SPATA13: variants seen among roughly 807,000 people sequenced by gnomAD.
The protein encoded by SPATA13 is spermatogenesis-associated protein 13.
SPATA13 carries 50 observed loss-of-function variants against 104.0 expected under a neutral mutation model. The ratio of observed to expected loss-of-function variants is 0.48; its 90% CI spans 0.38 to 0.61. The LOEUF (loss-of-function observed/expected upper bound fraction) is 0.61, where lower values mean the gene tolerates loss of function less well. SPATA13 is among the 20% of genes least tolerant of loss of function. The pLI is 0.00. For missense variants in SPATA13, 1,524 were observed against 1,690.6 expected, an observed-to-expected ratio of 0.90 and a Z score of 1.73; for synonymous variants, 606 against 667.5, an observed-to-expected ratio of 0.91 and a Z score of 1.42.
intron 3 of SPATA13, among the ~76,000 whole-genome samples, chr13:24,153,509 A>G (rs1882166246): frequency 6.6e-6 from 1 of 152,228 alleles, no homozygotes; most frequent in Admixed American, 6.5e-5. Context: ...CAGCATGTGT[A>G]AAGTACACCC....
intron 4 of SPATA13, among the ~76,000 whole-genome samples, chr13:24,253,481 T>G (rs1459348261): frequency 1.3e-5 from 2 of 152,196 alleles, no homozygotes; most frequent in Admixed American, 6.5e-5. Flanking sequence ...AGAGGCAGAT[T>G]TAAGCAACAC....
At chr13:24,185,656 T>C (rs781101512) in intron 1 of SPATA13, among the ~76,000 whole-genome samples, 124 of 152,214 alleles carry the variant, frequency 8.1e-4, no homozygotes, top group East Asian at 9.6e-4. Context: ...TTAAACATCA[T>C]ATGAAACATC....
chr13:24,033,548 C>A (rs1877559663), intron 3 of SPATA13: 2 of 152,484 alleles, frequency 1.3e-5, no homozygotes, highest in African/African-American at 2.4e-5. Flanking sequence ...TGAGGAGAAC[C>A]CGGGCACACA....
chr13:24,278,030 A>T (rs778581455), intron 4 of SPATA13, among the ~76,000 whole-genome samples: 1 of 152,170 alleles, frequency 6.6e-6, no homozygotes, highest in Non-Finnish European at 1.5e-5. Flanking sequence ...ACAACCAGAA[A>T]ATGGAATCAG....
intron 3 of SPATA13, among the ~76,000 whole-genome samples, chr13:24,036,569 G>A (rs932106390): frequency 6.6e-6 from 1 of 152,014 alleles, no homozygotes; most frequent in Non-Finnish European, 1.5e-5. Flanking sequence ...GCCACCTGGG[G>A]CCCACAGGGA....
At chr13:24,221,281 T>A (rs1593432176) in intron 1 of SPATA13, among the ~76,000 whole-genome samples, 1 of 152,214 alleles carries the variant, frequency 6.6e-6, no homozygotes, top group African/African-American at 2.4e-5. Flanking sequence ...CTGTGTGTAC[T>A]CAGTGACGTT....
chr13:24,080,693 CAT>C (rs749609015), intron 3 of SPATA13, among the ~76,000 whole-genome samples: 19 of 152,200 alleles, frequency 1.2e-4, no homozygotes, highest in Non-Finnish European at 1.8e-4. Flanking sequence ...CACTGTATGA[CAT>C]ATTGTACACC....
Position 24,137,688 on chromosome 13 carries a change from G to A in SPATA13, c.-111-85131G>A, listed in dbSNP as rs138855024. On this transcript the variant is annotated intron_variant, in intron 3 of 14. Coordinates refer to the SPATA13 transcript ENST00000424834. ...ACAGGAAAACTGCTTGAGCCTGGGG[G>A]GCGGAGGTTGCAGTGAGCCAAGATC... Among the ~76,000 whole-genome samples, 343 of 152,276 alleles carry A rather than the reference G, an allele frequency of 2.3e-3. 1 individual carries two copies. The highest frequency in any genetic ancestry group is 4.1e-3 in the Non-Finnish European group (277 of 68,032).
At chr13:24,045,899 C>G (rs531375968) in intron 3 of SPATA13, among the ~76,000 whole-genome samples, 32 of 152,278 alleles carry the variant, frequency 2.1e-4, no homozygotes, top group African/African-American at 7.7e-4. Context: ...TTTCCCTAAT[C>G]TGGAGAATGG....
intron 3 of SPATA13, among the ~76,000 whole-genome samples, chr13:24,071,636 G>T (rs771346621): frequency 6.6e-6 from 1 of 152,190 alleles, no homozygotes; most frequent in Non-Finnish European, 1.5e-5. Flanking sequence ...GTGTCTGACC[G>T]TACATACAAA....
chr13:24,266,285 T>A (rs1874291910), intron 4 of SPATA13, among the ~76,000 whole-genome samples: 1 of 152,194 alleles, frequency 6.6e-6, no homozygotes, highest in Non-Finnish European at 1.5e-5. Flanking sequence ...TTTTTAAAAA[T>A]TAATTTTAAT....
At chr13:24,271,399 T>C (rs1055890762) in intron 4 of SPATA13, among the ~76,000 whole-genome samples, 2 of 152,078 alleles carry the variant, frequency 1.3e-5, no homozygotes, top group Admixed American at 6.6e-5. Context: ...ATGTGTGAGG[T>C]TTAAGGCTGT....
intron 3 of SPATA13, chr13:24,122,194 T>C: frequency 6.7e-7 from 1 of 1,489,838 alleles, no homozygotes. Context: ...CAGCCAGCAT[T>C]GCTATATACT....
At position 24,011,087 on chromosome 13, in the gene SPATA13, G is replaced by C. The variant is rs186163683; in HGVS notation, c.-146-6580G>C. On this transcript the variant is annotated intron_variant, in intron 2 of 14. Transcript: ENST00000424834. This position sits in a 1 kb window ranked among gnomAD's most constrained non-coding sequence, Gnocchi z 4.3. ...GTTTGCTGACTCCTCTGCAACCTTGGCTTTGGTTTCTCCCCAGGTCCTGAC... is the reference window on the plus strand; with the variant it reads ...GTTTGCTGACTCCTCTGCAACCTTGCCTTTGGTTTCTCCCCAGGTCCTGAC... Among the ~76,000 whole-genome samples, 71 of 152,172 alleles carry C rather than the reference G, an allele frequency of 4.7e-4. No individual in the cohort carries two copies. The highest frequency in any genetic ancestry group is 7.8e-4 in the Non-Finnish European group (53 of 67,998).
rs80142468 is a variant in SPATA13, at chr13:24,178,876, A to G, written c.-112+17944A>G. On this transcript the variant is annotated intron_variant, in intron 1 of 12. Transcript: ENST00000382108. ...ATGCACTCATCAATTACCATAGTCA[A>G]TTTGAAGACATTTTCATCCCCTCCG... 1.4e-3 allele frequency among the ~76,000 whole-genome samples: 206 copies of G among 152,302 alleles called. 1 individual carries two copies. The highest frequency in any genetic ancestry group is 4.8e-3 in the African/African-American group (199 of 41,564).
At chr13:24,121,571 AC>A (rs1470123899) in intron 3 of SPATA13, among the ~76,000 whole-genome samples, 1 of 152,200 alleles carries the variant, frequency 6.6e-6, no homozygotes, top group Non-Finnish European at 1.5e-5. Flanking sequence ...CTATCAGATT[AC>A]CTTATCTTAT....
At chr13:24,023,546 T>G (rs1877078397) in intron 3 of SPATA13, among the ~76,000 whole-genome samples, 1 of 152,144 alleles carries the variant, frequency 6.6e-6, no homozygotes, top group Non-Finnish European at 1.5e-5. Context: ...TAAAGAAGAA[T>G]TAGGTTGCAG....
chr13:24,145,908 T>C (rs1881913385), intron 3 of SPATA13, among the ~76,000 whole-genome samples: 1 of 152,136 alleles, frequency 6.6e-6, no homozygotes, highest in Non-Finnish European at 1.5e-5. Context: ...AAGGAGCCTA[T>C]TCCATATGTG....
At chr13:24,292,578 A>G (rs192250307) in intron 9 of SPATA13, among the ~76,000 whole-genome samples, 1 of 152,266 alleles carries the variant, frequency 6.6e-6, no homozygotes, top group East Asian at 1.9e-4. Context: ...ACCAGGAGGA[A>G]ATTTCTATGG....
Sources: allele counts gnomAD v4.1 joint callset (sites outside exome capture counted in the v4.1 genomes callset), GRCh38; gene constraint gnomAD v4.1.1; non-coding constraint Gnocchi (gnomAD v3.1); transcripts MANE v1.5; gene names NCBI Gene and HGNC (gene_info 2026-07-23, HGNC 2026-07-21).